DNMT3L: variants seen among roughly 807,000 people sequenced by gnomAD.
DNMT3L encodes DNA (cytosine-5)-methyltransferase 3-like.
In DNMT3L, 33 loss-of-function variants were observed where a neutral mutation model predicts 36.2. The ratio of observed to expected loss-of-function variants is 0.91; its 90% CI spans 0.69 to 1.22. DNMT3L has a LOEUF of 1.22. Ranked by LOEUF, DNMT3L falls within the 50% of genes most tolerant of loss-of-function variation. The pLI is 0.00. For missense variants in DNMT3L, 310 were observed against 303.1 expected, an observed-to-expected ratio of 1.02 and a Z score of -0.17; for synonymous variants, 117 against 121.7, an observed-to-expected ratio of 0.96 and a Z score of 0.26.
chr21:44,261,291 A>G, intron 1 of DNMT3L, 25 bp from the exon 2 acceptor site: 1 of 1,605,762 alleles, frequency 6.2e-7, no homozygotes, highest in Non-Finnish European at 8.5e-7. Flanking sequence ...ACGGACACAG[A>G]TGTGAGAAAG....
At chr21:44,257,680 C>CAA (rs60313825) in intron 6 of DNMT3L, among the ~76,000 whole-genome samples, 10 of 120,456 alleles carry the variant, frequency 8.3e-5, no homozygotes, top group African/African-American at 1.6e-4. Context: ...GACTCCGTCT[C>CAA]AAAAAAAAAA....
At position 44,258,967 on chromosome 21, in the gene DNMT3L, C is replaced by T. The variant is rs914564734; in HGVS notation, c.345-273G>A. On this transcript the variant is annotated intron_variant, in intron 5 of 11. Coordinates refer to ENST00000628202, the MANE Select transcript of DNMT3L (RefSeq NM_175867.3). The surrounding 1 kb of genome is among the most constrained non-coding windows in gnomAD (Gnocchi z 6.2). ...TAAGCCACCTGTCTGCCCCCAAACT[C>T]GAGCCTGCAGAAACAGCGTAGGGAC... Among the ~76,000 whole-genome samples, 7 of 152,090 alleles carry T rather than the reference C, an allele frequency of 4.6e-5. No individual in the cohort carries two copies. Among genetic ancestry groups the T allele is most frequent in the African/African-American group, 1.7e-4 (7 of 41,388 alleles).
At chr21:44,260,287 A>C (rs551078697) in intron 3 of DNMT3L, among the ~76,000 whole-genome samples, 2 of 152,294 alleles carry the variant, frequency 1.3e-5, no homozygotes, top group East Asian at 3.9e-4. Context: ...GGGAATTTGG[A>C]GTGACTGTTA....
In DNMT3L at chr21:44,259,424, C is replaced by T; in HGVS notation, c.344+13G>A. 1.9e-6 allele frequency: 3 copies of T among 1,613,204 alleles called. No homozygotes were observed. The highest frequency in any genetic ancestry group is 2.5e-6 in the Non-Finnish European group (3 of 1,179,856). ...CAGCCCCTTCACCCCCCTGGGCAGG[C>T]CCCTCGCCTCACCGGGTGCAATCAG... On this transcript the variant is annotated intron_variant, in intron 5 of 11. Transcript: ENST00000628202.
At chr21:44,259,799 G>T in intron 3 of DNMT3L, 88 bp from the exon 4 acceptor site, 1 of 1,389,134 alleles carries the variant, frequency 7.2e-7, no homozygotes, top group Non-Finnish European at 1.0e-6. Flanking sequence ...AAACAAATAT[G>T]AGACTTATAC....
At chr21:44,261,119 T>A (rs2040313643) in intron 2 of DNMT3L, 35 bp downstream of exon 2, 1 of 1,608,010 alleles carries the variant, frequency 6.2e-7, no homozygotes, top group Non-Finnish European at 8.5e-7. Context: ...ATCAGCATCC[T>A]AAGTGACTGG....
In DNMT3L at chr21:44,254,703, G is replaced by A. The variant is rs145854454; in HGVS notation, c.607C>T (p.Leu203=). ...CTTTCCAAAAAGCCCAAACTCGTCA[G>A]CTCTGGATGGGGAGAGACCAGAAGG... ...LSLFEDIKKE[L]TSLGFLESGS... The change falls in exon 8 of 12, where the codon CTG becomes TTG. Residue 203 remains leucine, a splice_region_variant and synonymous_variant. Coordinates refer to ENST00000628202, the MANE Select transcript of DNMT3L (RefSeq NM_175867.3). 2 of 1,613,930 alleles carry A rather than the reference G, an allele frequency of 1.2e-6. No homozygotes were observed.
chr21:44,257,974 A>G (rs1038467487), intron 6 of DNMT3L, among the ~76,000 whole-genome samples: 1 of 152,312 alleles, frequency 6.6e-6, no homozygotes, highest in African/African-American at 2.4e-5. Context: ...TTACAGTGAC[A>G]CTAGTCGCTG....
intron 6 of DNMT3L, 32 bp from the exon 7 acceptor site, chr21:44,256,186 T>C: frequency 6.2e-7 from 1 of 1,609,476 alleles, no homozygotes; most frequent in Non-Finnish European, 8.5e-7. Flanking sequence ...CAGGACATTG[T>C]GCCGGCTACT....
In DNMT3L at chr21:44,261,135, TA is replaced by T; in HGVS notation, c.106+18del. The T allele has an allele frequency of 6.2e-7, 1 of 1,611,176 alleles. No individual in the cohort carries two copies. ...TCAGCATCCTAAGTGACTGGTCCAA[TA>T]AGCAGATGAGCCCTCACCTCTGCCT... On this transcript the variant is annotated intron_variant, in intron 2 of 11. Coordinates refer to ENST00000628202, the MANE Select transcript of DNMT3L (RefSeq NM_175867.3).
rs749909051 is a variant in DNMT3L at position 44,256,060 on chromosome 21, G to T, written c.604+7C>A. 6.8e-5 allele frequency: 110 copies of T among 1,613,584 alleles called. No individual in the cohort carries two copies. Among genetic ancestry groups the T allele is most frequent in the Non-Finnish European group, 9.2e-5 (108 of 1,179,898 alleles). ...CCATGTGTGTCTTTGGGACATCACT[G>T]ACTCACCTTTCTTGATGTCTTCAAA... On this transcript the variant is annotated splice_region_variant and intron_variant, in intron 7 of 11. Transcript: ENST00000628202.
At chr21:44,260,048 CAAA>C (rs765722839) in intron 3 of DNMT3L, among the ~76,000 whole-genome samples, 3 of 63,484 alleles carry the variant, frequency 4.7e-5, no homozygotes, top group Admixed American at 1.9e-4. Flanking sequence ...GAGTGTGTCT[CAAA>C]AAAAAAAAAA....
chr21:44,257,980 C>T (rs1014886095), intron 6 of DNMT3L, among the ~76,000 whole-genome samples: 5 of 152,210 alleles, frequency 3.3e-5, no homozygotes, highest in Admixed American at 6.5e-5. Context: ...TGACACTAGT[C>T]GCTGCATTGA....
At chr21:44,261,064 G>A in intron 2 of DNMT3L, 90 bp downstream of exon 2, 1 of 1,515,366 alleles carries the variant, frequency 6.6e-7, no homozygotes, top group South Asian at 1.2e-5. Flanking sequence ...AATAATGCAT[G>A]AATACTCCAG....
chr21:44,254,545 T>C (rs766569167), intron 8 of DNMT3L, 72 bp downstream of exon 8: 1 of 1,551,238 alleles, frequency 6.4e-7, no homozygotes, highest in Non-Finnish European at 8.8e-7. Flanking sequence ...CGCCTCATCC[T>C]TGGCATTTCC....
At position 44,255,242 on chromosome 21, in the gene DNMT3L, C is replaced by T. The variant is rs902734598; in HGVS notation, c.605-537G>A. ...TTGATTTAAGAATGTCAAGCACGGC[C>T]GGGCACAGACGCTCAAGCCTGTAAT... On this transcript the variant is annotated intron_variant, in intron 7 of 11. Transcript: ENST00000628202. Among the ~76,000 whole-genome samples the T allele has an allele frequency of 4.6e-5, 7 of 152,160 alleles. No homozygotes were observed. The East Asian group carries it at 5.8e-4, about 13-fold the overall frequency.
At chr21:44,257,983 T>C (rs568699421) in intron 6 of DNMT3L, among the ~76,000 whole-genome samples, 1 of 152,360 alleles carries the variant, frequency 6.6e-6, no homozygotes, top group Non-Finnish European at 1.5e-5. Context: ...CACTAGTCGC[T>C]GCATTGAGGG....
In DNMT3L at chr21:44,256,061, A is replaced by C; in HGVS notation, c.604+6T>G. 1 of 1,613,640 alleles carries C rather than the reference A, an allele frequency of 6.2e-7. No individual in the cohort carries two copies. The highest frequency in any genetic ancestry group is 1.1e-5 in the South Asian group (1 of 91,066). On this transcript the variant is annotated splice_donor_region_variant and intron_variant, in intron 7 of 11. Coordinates refer to ENST00000628202, the MANE Select transcript of DNMT3L (RefSeq NM_175867.3). ...CATGTGTGTCTTTGGGACATCACTG[A>C]CTCACCTTTCTTGATGTCTTCAAAA...
Position 44,256,102 on chromosome 21 carries a change from ACTGGCTGTCTCCT to A in DNMT3L, c.556_568del (p.Arg186SerfsTer14). The A allele has an allele frequency of 6.2e-7, 1 of 1,613,970 alleles. No homozygotes were observed. The highest frequency in any genetic ancestry group is 1.7e-5 in the Admixed American group (1 of 60,030). On this transcript the variant is annotated frameshift_variant, in exon 7 of 12. Transcript: ENST00000628202. LOFTEE classifies it high-confidence loss of function. ...GTCTTCAAAAAGGGACAGCACCCGG[ACTGGCTGTCTCCT>A]CCACACAGGCACGGTTTCGAACATC...
Sources: allele counts gnomAD v4.1 joint callset (sites outside exome capture counted in the v4.1 genomes callset), GRCh38; gene constraint gnomAD v4.1.1; non-coding constraint Gnocchi (gnomAD v3.1); transcripts MANE v1.5; gene names NCBI Gene and HGNC (gene_info 2026-07-23, HGNC 2026-07-21).